The following GPR149 variants were observed in gnomAD, a reference collection of about 807,000 sequenced individuals.
GPR149 encodes the protein probable G protein-coupled receptor 149.
In GPR149, 50 loss-of-function variants were observed where a neutral mutation model predicts 50.2. The ratio of observed to expected loss-of-function variants is 1.00; its 90% confidence interval spans 0.79 to 1.26. The LOEUF (loss-of-function observed/expected upper bound fraction) is 1.26, where lower values mean the gene tolerates loss of function less well. Ranked by LOEUF, GPR149 falls within the 50% of genes most tolerant of loss-of-function variation. GPR149 has a pLI of 0.00. For missense variants in GPR149, 983 were observed against 895.4 expected (o/e 1.10, Z -1.25); for synonymous variants, 405 against 358.2 (o/e 1.13, Z -1.48).
chr3:154,421,671 TG>T (rs1712150566), intron 2 of GPR149, among the ~76,000 whole-genome samples, 184 bp from the exon 3 acceptor site: 1 of 151,848 alleles, frequency 6.6e-6, no homozygotes, highest in South Asian at 2.1e-4. Context: ...CTTTCCACCC[TG>T]TGCCTAATTT....
Position 154,429,544 on chromosome 3 carries a change from G to A in GPR149, c.72C>T (p.Asp24=). 2 of 1,613,886 alleles carry A rather than the reference G, an allele frequency of 1.2e-6. No homozygotes were observed. Among genetic ancestry groups the A allele is most frequent in the Non-Finnish European group, 1.7e-6 (2 of 1,179,768 alleles). The change falls in exon 1 of 4, where the codon GAC becomes GAT. Residue 24 remains aspartate, a synonymous_variant. Transcript: ENST00000389740. ...TCAGGGTTCCTGGCGGATTTAAAAGGTCCGTAGAATTATGATTCTCTTTCC... is the reference window on the plus strand; with the variant it reads ...TCAGGGTTCCTGGCGGATTTAAAAGATCCGTAGAATTATGATTCTCTTTCC... ...SLWKENHNST[D]LLNPPGTLNI...
In GPR149 at chr3:154,428,769, C is replaced by A. The variant is rs763254536; in HGVS notation, c.847G>T (p.Ala283Ser). The change falls in exon 1 of 4, where the codon GCT becomes TCT. Residue 283 changes from alanine to serine, a missense_variant. Coordinates refer to ENST00000389740, the MANE Select transcript of GPR149 (RefSeq NM_001038705.3). ...TVFGPGAPAA[A>S]GAEACRRENR... ...TCACGCCTGCAGGCTTCAGCCCCAGCGGCAGCGGGCGCACCCGGTCCGAAC... is the reference window on the plus strand; with the variant it reads ...TCACGCCTGCAGGCTTCAGCCCCAGAGGCAGCGGGCGCACCCGGTCCGAAC... 16 of 1,613,722 alleles carry A rather than the reference C, an allele frequency of 9.9e-6. No homozygotes were observed. The East Asian group carries it at 2.5e-4, about 25-fold the overall frequency.
chr3:154,352,395 T>A (rs1466406324), intron 3 of GPR149: 5 of 1,092,984 alleles, frequency 4.6e-6, no homozygotes, highest in Middle Eastern at 2.4e-4. Context: ...GAGTATCCAG[T>A]TGGAATCGTG....
chr3:154,340,595 A>T (rs1713767755), intron 3 of GPR149, among the ~76,000 whole-genome samples: 1 of 152,244 alleles, frequency 6.6e-6, no homozygotes, highest in Non-Finnish European at 1.5e-5. Context: ...TTAGTTCTAA[A>T]TGTAGTAATT....
rs191177922 is a variant in GPR149, at chr3:154,395,617, T to G, written c.1623+25422A>C. ...CAGCTTGGGCAACATAGTAAGACCC[T>G]GTTTCTACGAAAATAAACTAAACTA... is the stretch of plus-strand genomic sequence containing the variant. On this transcript the variant is annotated intron_variant, in intron 3 of 3. Coordinates refer to ENST00000389740, the MANE Select transcript of GPR149 (RefSeq NM_001038705.3). Among the ~76,000 whole-genome samples, 93 of 152,146 alleles carry G rather than the reference T, an allele frequency of 6.1e-4. 2 individuals carry two copies. The East Asian group carries it at 0.017, about 28-fold the overall frequency.
At chr3:154,428,394 C>T (rs755341290) in intron 1 of GPR149, among the ~76,000 whole-genome samples, 2 of 152,194 alleles carry the variant, frequency 1.3e-5, no homozygotes, top group Non-Finnish European at 2.9e-5. Context: ...CGACGGAAAG[C>T]GATCCCCATG....
chr3:154,427,444 T>C, intron 2 of GPR149, 72 bp downstream of exon 2: 1 of 1,400,480 alleles, frequency 7.1e-7, no homozygotes, highest in South Asian at 1.4e-5. Flanking sequence ...GAGGCAACTT[T>C]GTTAATAGAC....
intron 3 of GPR149, among the ~76,000 whole-genome samples, chr3:154,346,196 T>G (rs1015749703): frequency 1.3e-5 from 2 of 152,186 alleles, no homozygotes; most frequent in African/African-American, 4.8e-5. Context: ...GGAATTTAAG[T>G]GGAACACGAC....
At chr3:154,396,232 T>C (rs944974569) in intron 3 of GPR149, among the ~76,000 whole-genome samples, 32 of 152,180 alleles carry the variant, frequency 2.1e-4, no homozygotes, top group Admixed American at 2.0e-3. Context: ...AAGAAACAAA[T>C]TCAAGCACCT....
intron 3 of GPR149, among the ~76,000 whole-genome samples, chr3:154,346,995 G>C (rs972673894): frequency 6.6e-6 from 1 of 152,122 alleles, no homozygotes; most frequent in African/African-American, 2.4e-5. Context: ...TGCTGAATAA[G>C]AGCCTTGTAT....
At chr3:154,357,001 A>G (rs977132047) in intron 3 of GPR149, among the ~76,000 whole-genome samples, 7 of 152,224 alleles carry the variant, frequency 4.6e-5, no homozygotes, top group East Asian at 3.9e-4. Flanking sequence ...CCAATGGAAC[A>G]GAACAGAGCC....
chr3:154,396,922 T>C (rs1486618485), intron 3 of GPR149, among the ~76,000 whole-genome samples: 1 of 151,684 alleles, frequency 6.6e-6, no homozygotes. Context: ...TTTGTCATTG[T>C]TGTTGTTGTT....
intron 3 of GPR149, among the ~76,000 whole-genome samples, chr3:154,371,820 TC>T (rs1714672522): frequency 6.6e-6 from 1 of 152,182 alleles, no homozygotes; most frequent in Non-Finnish European, 1.5e-5. Flanking sequence ...CCTCGGCTCC[TC>T]CCCTTTCTAG....
chr3:154,395,651 C>A (rs1396588890), intron 3 of GPR149, among the ~76,000 whole-genome samples: 1 of 151,936 alleles, frequency 6.6e-6, no homozygotes, highest in Non-Finnish European at 1.5e-5. Context: ...TAAACTTTAG[C>A]CAGGCATGGT....
At chr3:154,354,643 G>T in intron 3 of GPR149, 1 of 216,384 alleles carries the variant, frequency 4.6e-6, no homozygotes, top group Non-Finnish European at 9.6e-6. Flanking sequence ...CTTGAGGGCA[G>T]GGACCATTTC....
intron 3 of GPR149, among the ~76,000 whole-genome samples, chr3:154,339,983 G>A (rs181430469): frequency 6.6e-6 from 1 of 151,554 alleles, no homozygotes; most frequent in East Asian, 2.0e-4. Context: ...TATTAGAGAC[G>A]GGGTTTCACT....
At position 154,429,331 on chromosome 3, in the gene GPR149, G is replaced by A. The variant is rs1712417898; in HGVS notation, c.285C>T (p.Asn95=). 5 of 1,614,186 alleles carry A rather than the reference G, an allele frequency of 3.1e-6. No homozygotes were observed. Among genetic ancestry groups the A allele is most frequent in the Non-Finnish European group, 3.4e-6 (4 of 1,180,032 alleles). ...GAAATTGGAAGTAACCGGGGACCTCGTTTGGCCACTGCAAAAACATGAAGA... is the reference window on the plus strand; with the variant it reads ...GAAATTGGAAGTAACCGGGGACCTCATTTGGCCACTGCAAAAACATGAAGA... ...VTIFMFLQWP[N]EVPGYFQFLC... Residue 95 remains asparagine (N), a synonymous_variant, in exon 1 of 4, where the codon AAC becomes AAT. Coordinates refer to ENST00000389740, the MANE Select transcript of GPR149 (RefSeq NM_001038705.3).
rs1236128526 is a variant in GPR149 at position 154,421,426 on chromosome 3, T to C, written c.1236A>G (p.Ile412Met). 7 of 1,605,442 alleles carry C rather than the reference T, an allele frequency of 4.4e-6. No individual in the cohort carries two copies. The highest frequency in any genetic ancestry group is 1.1e-5 in the South Asian group (1 of 89,374). ...CATCATCATAGTAATCTTCATGTGC[T>C]ATTTTATAAATCCCATAACTTTTTT... is the stretch of plus-strand genomic sequence containing the variant. The part of the protein sequence containing the change: ...SFQKSYGIYK[I>M]AHEDYYDDDE... The change falls in exon 3 of 4, where the codon ATA (isoleucine) becomes ATG (methionine). Residue 412 changes from isoleucine (I) to methionine (M), a missense_variant. Ile to Met is a conservative substitution (Grantham distance 10). Transcript: ENST00000389740.
chr3:154,375,020 C>T (rs1714758845), intron 3 of GPR149, among the ~76,000 whole-genome samples: 1 of 152,164 alleles, frequency 6.6e-6, no homozygotes, highest in African/African-American at 2.4e-5. Flanking sequence ...CCTGAAAATT[C>T]ACATTTCATA....
Sources: allele counts gnomAD v4.1 joint callset (sites outside exome capture counted in the v4.1 genomes callset), GRCh38; gene constraint gnomAD v4.1.1; transcripts MANE v1.5; gene names NCBI Gene and HGNC (gene_info 2026-07-23, HGNC 2026-07-21).